DSCAM: variants seen among roughly 807,000 people sequenced by gnomAD.
The protein encoded by DSCAM is DS cell adhesion molecule, also known as cell adhesion molecule DSCAM.
DSCAM carries 47 observed loss-of-function variants against 217.7 expected under a neutral mutation model. The ratio of observed to expected loss-of-function variants is 0.22; its 90% confidence interval spans 0.17 to 0.28. The LOEUF (loss-of-function observed/expected upper bound fraction) is 0.28, where lower values mean the gene tolerates loss of function less well. Ranked by LOEUF, DSCAM falls within the 10% of genes least tolerant of loss-of-function variation. The pLI is 1.00. For synonymous variants in DSCAM, 1,056 were observed against 1,015.3 expected (o/e 1.04, Z -0.76); for missense variants, 2,080 against 2,618.3 (o/e 0.79, Z 4.49).
intron 3 of DSCAM, among the ~76,000 whole-genome samples, chr21:40,510,504 T>C (rs1031676695): frequency 7.2e-5 from 11 of 152,208 alleles, no homozygotes; most frequent in African/African-American, 1.4e-4. Context: ...AACGTGACGA[T>C]TGACAAAGGT....
intron 6 of DSCAM, among the ~76,000 whole-genome samples, chr21:40,340,602 C>T (rs2074481014): frequency 6.6e-6 from 1 of 151,996 alleles, no homozygotes; most frequent in Admixed American, 6.6e-5. Flanking sequence ...TGGTAAGAGA[C>T]CTTGCTGGAG....
In DSCAM at chr21:40,144,343, G is replaced by A. The variant is rs1174992079; in HGVS notation, c.3259+148C>T. The A allele has an allele frequency of 9.8e-6, 13 of 1,323,144 alleles. No individual in the cohort carries two copies. In the East Asian group the frequency reaches 2.6e-4, roughly 26 times the overall value. 82.0% of individuals were successfully genotyped at this position (1,323,144 alleles called of 1,614,324 possible). A position where few individuals can be genotyped will look rare whatever the true frequency, so the allele number is the denominator to read the frequency against. ...ATCAGCGGGGTGGGCGAGGTCACGA[G>A]GGAAGGCTTTTCCACCCGAGACCCC... is the stretch of plus-strand genomic sequence containing the variant. On this transcript the variant is annotated intron_variant, in intron 17 of 32. Coordinates refer to ENST00000400454, the MANE Select transcript of DSCAM (RefSeq NM_001389.5). This position sits in a 1 kb window ranked among gnomAD's most constrained non-coding sequence, Gnocchi z 4.8.
chr21:40,170,051 C>T (rs1459094538), intron 15 of DSCAM, among the ~76,000 whole-genome samples: 1 of 152,158 alleles, frequency 6.6e-6, no homozygotes, highest in Non-Finnish European at 1.5e-5. Context: ...TAATTTTCTG[C>T]TCCCAGAAGG....
chr21:40,595,382 A>AAAATG (rs1568927831), intron 3 of DSCAM, among the ~76,000 whole-genome samples: 1 of 150,428 alleles, frequency 6.6e-6, no homozygotes, highest in Non-Finnish European at 1.5e-5. Context: ...TGTCTCAAAA[A>AAAATG]AAAAGAAAAG....
At chr21:40,473,880 G>C (rs2075910786) in intron 3 of DSCAM, among the ~76,000 whole-genome samples, 2 of 152,170 alleles carry the variant, frequency 1.3e-5, no homozygotes, top group African/African-American at 4.8e-5. Flanking sequence ...CCTGCTGATA[G>C]CTTCGTCTTG....
chr21:40,111,930 C>T (rs2089904158), intron 20 of DSCAM, among the ~76,000 whole-genome samples: 1 of 151,924 alleles, frequency 6.6e-6, no homozygotes, highest in African/African-American at 2.4e-5. Context: ...TCCTTAGAGA[C>T]CTACAAAGAG....
At chr21:40,517,502 G>A (rs966599692) in intron 3 of DSCAM, among the ~76,000 whole-genome samples, 2 of 151,080 alleles carry the variant, frequency 1.3e-5, no homozygotes, top group Non-Finnish European at 2.9e-5. Flanking sequence ...ACATTGTTAG[G>A]GTCTCATTTT....
rs2076694204 is a variant in DSCAM, at chr21:40,558,941, AT to A, written c.508+133868del. ...TAAGCATGCAGAAATCATTTGTATT[AT>A]GTGCATAAAACAGTGCCCGATTAAA... On this transcript the variant is annotated intron_variant, in intron 3 of 32. Transcript: ENST00000400454. Among the ~76,000 whole-genome samples the A allele has an allele frequency of 3.3e-5, 5 of 152,356 alleles. No individual in the cohort carries two copies. The South Asian group carries it at 1.0e-3, about 32-fold the overall frequency.
chr21:40,714,827 T>C (rs550873820), intron 1 of DSCAM, among the ~76,000 whole-genome samples: 10 of 152,312 alleles, frequency 6.6e-5, no homozygotes, highest in African/African-American at 2.2e-4. Flanking sequence ...AATACCACGA[T>C]TTGAATGTTC....
intron 1 of DSCAM, among the ~76,000 whole-genome samples, chr21:40,787,590 C>T (rs886920809): frequency 2.0e-5 from 3 of 152,164 alleles, no homozygotes; most frequent in African/African-American, 7.2e-5. Flanking sequence ...TTTATTCATC[C>T]ATTCCACTCA....
intron 13 of DSCAM, 47 bp from the exon 14 acceptor site, chr21:40,187,306 G>T: frequency 6.2e-7 from 1 of 1,606,458 alleles, no homozygotes; most frequent in South Asian, 1.1e-5. Context: ...ACAGAGCTCT[G>T]ACATAAAACG....
intron 27 of DSCAM, among the ~76,000 whole-genome samples, chr21:40,070,351 G>A (rs918417841): frequency 1.2e-4 from 11 of 92,950 alleles, no homozygotes; most frequent in Admixed American, 5.5e-4. Flanking sequence ...GAAGGAGGGA[G>A]GGAGGGAAGG....
intron 8 of DSCAM, among the ~76,000 whole-genome samples, chr21:40,316,018 T>C (rs1311974965): frequency 6.6e-6 from 1 of 152,198 alleles, no homozygotes; most frequent in Non-Finnish European, 1.5e-5. Context: ...GTCAGCATTT[T>C]TGTAATTAAT....
chr21:40,025,021 T>A (rs943101019), intron 32 of DSCAM, among the ~76,000 whole-genome samples: 8 of 113,442 alleles, frequency 7.1e-5, no homozygotes, highest in South Asian at 3.4e-4. Flanking sequence ...CATAGATAGC[T>A]CTTATTATTT....
chr21:40,332,540 T>G (rs1266272057), intron 8 of DSCAM, among the ~76,000 whole-genome samples: 1 of 152,216 alleles, frequency 6.6e-6, no homozygotes, highest in East Asian at 1.9e-4. Flanking sequence ...TTCCTGGCAG[T>G]GTTGATCCCC....
chr21:40,839,135 G>C (rs2092080131), intron 1 of DSCAM, among the ~76,000 whole-genome samples: 1 of 152,122 alleles, frequency 6.6e-6, no homozygotes, highest in Non-Finnish European at 1.5e-5. Flanking sequence ...TCATTTATAA[G>C]AGCATGTGGC....
intron 3 of DSCAM, among the ~76,000 whole-genome samples, chr21:40,626,670 C>T (rs2089605676): frequency 6.6e-6 from 1 of 152,182 alleles, no homozygotes. Flanking sequence ...CGTTCTTTCC[C>T]ATTCTATTGT....
intron 21 of DSCAM, among the ~76,000 whole-genome samples, chr21:40,090,494 GC>G (rs775956288): frequency 2.6e-5 from 4 of 152,250 alleles, no homozygotes; most frequent in African/African-American, 4.8e-5. Flanking sequence ...CTTCCGTGTG[GC>G]CACTGAGGGG....
At chr21:40,685,129 A>G (rs2090459140) in intron 3 of DSCAM, among the ~76,000 whole-genome samples, 1 of 152,190 alleles carries the variant, frequency 6.6e-6, no homozygotes, top group Non-Finnish European at 1.5e-5. Flanking sequence ...GATTTTCTTC[A>G]TTTGCTTTCT....
Sources: allele counts gnomAD v4.1 joint callset (sites outside exome capture counted in the v4.1 genomes callset), GRCh38; gene constraint gnomAD v4.1.1; non-coding constraint Gnocchi (gnomAD v3.1); transcripts MANE v1.5; gene names NCBI Gene and HGNC (gene_info 2026-07-23, HGNC 2026-07-21).